Variants in SEMA6D observed in about 807,000 individuals in gnomAD.
SEMA6D encodes semaphorin 6D.
SEMA6D carries 35 observed loss-of-function variants against 106.6 expected under a neutral mutation model. The observed-to-expected ratio is 0.33, with a 90% confidence interval of 0.25 to 0.44. SEMA6D has a LOEUF of 0.44. Ranked by LOEUF, SEMA6D falls within the 20% of genes least tolerant of loss-of-function variation. SEMA6D has a pLI of 1.00. For synonymous variants in SEMA6D, 499 were observed against 487.7 expected, an observed-to-expected ratio of 1.02 and a Z score of -0.31; for missense variants, 1,185 against 1,345.9, an observed-to-expected ratio of 0.88 and a Z score of 1.87.
At chr15:47,726,952 G>A (rs949477465) in intron 1 of SEMA6D, among the ~76,000 whole-genome samples, 2 of 152,122 alleles carry the variant, frequency 1.3e-5, no homozygotes, top group Non-Finnish European at 2.9e-5. Context: ...CAGCCAAACT[G>A]GAAAGGGGAA....
chr15:47,281,233 T>C (rs2035094216), intron 1 of SEMA6D, among the ~76,000 whole-genome samples: 1 of 135,542 alleles, frequency 7.4e-6, no homozygotes, highest in East Asian at 2.3e-4. Flanking sequence ...GCATATATAT[T>C]TAGGATAGTT....
chr15:47,538,526 C>A (rs955088433), intron 3 of SEMA6D, among the ~76,000 whole-genome samples: 29 of 152,136 alleles, frequency 1.9e-4, no homozygotes, highest in African/African-American at 7.0e-4. Context: ...GAGAAGCCAG[C>A]ATCTTAGCAA....
intron 1 of SEMA6D, among the ~76,000 whole-genome samples, chr15:47,291,591 G>A (rs2035595163): frequency 6.6e-6 from 1 of 152,036 alleles, no homozygotes; most frequent in Non-Finnish European, 1.5e-5. Context: ...CTAGGGAATG[G>A]GACCATGTCC....
chr15:47,249,442 A>T (rs1177437415), intron 1 of SEMA6D, among the ~76,000 whole-genome samples: 1 of 142,078 alleles, frequency 7.0e-6, no homozygotes, highest in Non-Finnish European at 1.5e-5. Flanking sequence ...AAACAAAATC[A>T]TGTTTTTTTT....
At chr15:47,422,180 GCCTTCCTTCCTTCCTTCCTTCCTTCCTT>G (rs68039702) in intron 2 of SEMA6D, among the ~76,000 whole-genome samples, 13 of 112,814 alleles carry the variant, frequency 1.2e-4, no homozygotes, top group Admixed American at 1.0e-3. Context: ...CCGCCTGCCT[GCCTTCCTTCCTTCCTTCCTTCCTTCCTT>G]CCTTCCTTCC....
chr15:47,765,250 T>C, intron 13 of SEMA6D, 194 bp downstream of exon 13: 2 of 1,365,620 alleles, frequency 1.5e-6, no homozygotes, highest in Non-Finnish European at 1.9e-6. Context: ...GGGTGAATGG[T>C]TGATGAGTTT....
rs541547804 is a variant in SEMA6D at position 47,184,662 on chromosome 15, C to G, written c.-239+244C>G. 5.3e-3 allele frequency among the ~76,000 whole-genome samples: 802 copies of G among 152,228 alleles called. 3 individuals are homozygous for G. The highest frequency in any genetic ancestry group is 8.1e-3 in the Non-Finnish European group (554 of 68,008). ...CAGAGTTGTTGGCACTGATAAGACC[C>G]GTCTTTTGTGTCTTGCCCGATCCCG... On this transcript the variant is annotated intron_variant, in intron 1 of 19. Coordinates refer to the SEMA6D transcript ENST00000558014.
intron 1 of SEMA6D, among the ~76,000 whole-genome samples, chr15:47,203,506 A>C (rs1166092183): frequency 6.6e-6 from 1 of 152,064 alleles, no homozygotes; most frequent in African/African-American, 2.4e-5. Flanking sequence ...ACAACCTTTA[A>C]CCTTTGTTCC....
chr15:47,694,796 G>C (rs1005734355), intron 4 of SEMA6D, among the ~76,000 whole-genome samples: 6 of 152,088 alleles, frequency 3.9e-5, no homozygotes, highest in African/African-American at 1.4e-4. Context: ...TCTCAAATCA[G>C]ATCATTTTTC....
At chr15:47,473,170 C>T (rs1264337771) in intron 3 of SEMA6D, among the ~76,000 whole-genome samples, 2 of 152,190 alleles carry the variant, frequency 1.3e-5, no homozygotes, top group Non-Finnish European at 2.9e-5. Context: ...GCAGACAGGC[C>T]TCCCTGGAAA....
intron 4 of SEMA6D, among the ~76,000 whole-genome samples, chr15:47,629,071 A>G (rs558819697): frequency 6.6e-6 from 1 of 152,124 alleles, no homozygotes; most frequent in South Asian, 2.1e-4. Context: ...TAAGTTCTCT[A>G]TTCAGTGTCA....
chr15:47,399,938 G>A lies in SEMA6D; in HGVS notation c.-238-12455G>A, dbSNP rs969608764. ...AGTAAACACAGGAACACACTGCAAA[G>A]TGTTGTTGGATCCTAAATCAGAGAA... On this transcript the variant is annotated intron_variant, in intron 1 of 19. Transcript: ENST00000558014. Among the ~76,000 whole-genome samples, 4 of 152,194 alleles carry A rather than the reference G, an allele frequency of 2.6e-5. 1 individual carries two copies. The highest frequency in any genetic ancestry group is 9.6e-5 in the African/African-American group (4 of 41,454).
intron 1 of SEMA6D, among the ~76,000 whole-genome samples, chr15:47,263,686 T>C (rs2034182936): frequency 6.6e-6 from 1 of 151,924 alleles, no homozygotes; most frequent in African/African-American, 2.4e-5. Context: ...AATGGTTGAC[T>C]ATCTTCCACA....
chr15:47,246,862 GA>G (rs1310403226), intron 1 of SEMA6D, among the ~76,000 whole-genome samples: 1 of 152,124 alleles, frequency 6.6e-6, no homozygotes, highest in Non-Finnish European at 1.5e-5. Context: ...CTCGTGAGGG[GA>G]TTTCCTCGTG....
chr15:47,486,470 T>C lies in SEMA6D; in HGVS notation c.-87+15925T>C, dbSNP rs148235039. On this transcript the variant is annotated intron_variant, in intron 3 of 19. Transcript: ENST00000558014. ...TACTCCCCAACAGAATGCTTTGAGC[T>C]CTTTCTAGTAGATCTGTGCCAACTC... Among the ~76,000 whole-genome samples, 5 of 152,356 alleles carry C rather than the reference T, an allele frequency of 3.3e-5. No individual in the cohort carries two copies. In the East Asian group the frequency reaches 7.7e-4, roughly 24 times the overall value.
At chr15:47,279,537 G>T (rs972219731) in intron 1 of SEMA6D, among the ~76,000 whole-genome samples, 26 of 147,900 alleles carry the variant, frequency 1.8e-4, no homozygotes, top group Admixed American at 1.0e-3. Flanking sequence ...CTGCCTAATT[G>T]CCCTGGCCAG....
chr15:47,406,872 C>A (rs563045351), intron 1 of SEMA6D, among the ~76,000 whole-genome samples: 3 of 151,808 alleles, frequency 2.0e-5, no homozygotes, highest in Admixed American at 6.6e-5. Flanking sequence ...AATGTATGTC[C>A]ATGCCAAAAC....
intron 3 of SEMA6D, among the ~76,000 whole-genome samples, chr15:47,478,537 AT>A: frequency 6.6e-6 from 1 of 152,326 alleles, no homozygotes. Flanking sequence ...TTAGACCTTT[AT>A]GAAGCAACCC....
intron 1 of SEMA6D, among the ~76,000 whole-genome samples, chr15:47,292,569 C>T (rs958475226): frequency 2.0e-5 from 3 of 151,986 alleles, no homozygotes; most frequent in Admixed American, 6.6e-5. Flanking sequence ...TTTGATGAGC[C>T]GGGTCCTGAG....
Sources: allele counts gnomAD v4.1 joint callset (sites outside exome capture counted in the v4.1 genomes callset), GRCh38; gene constraint gnomAD v4.1.1; transcripts MANE v1.5; gene names NCBI Gene and HGNC (gene_info 2026-07-23, HGNC 2026-07-21).